IFT25: variants seen among roughly 807,000 people sequenced by gnomAD.
IFT25 encodes the protein intraflagellar transport protein 25 homolog.
chr1:53,913,432 T>A, the IFT25 span, among the ~76,000 whole-genome samples: 2 of 152,216 alleles, frequency 1.3e-5, no homozygotes, highest in African/African-American at 4.8e-5. Context: ...AGTCCCCTTC[T>A]GGGTCTTTTC....
chr1:53,929,990 C>T, the IFT25 span: 29 of 1,513,054 alleles, frequency 1.9e-5, no homozygotes, highest in Non-Finnish European at 2.3e-5. Context: ...ATTAGCCTTA[C>T]CTGGAGCACC....
At chr1:53,945,334 C>CA in the IFT25 span, among the ~76,000 whole-genome samples, 1 of 152,320 alleles carries the variant, frequency 6.6e-6, no homozygotes, top group South Asian at 2.1e-4. Context: ...TTTCTGGCCT[C>CA]AAAGAGTTTC....
chr1:53,921,563 G>T, the IFT25 span: 1 of 796,368 alleles, frequency 1.3e-6, no homozygotes, highest in Non-Finnish European at 2.1e-6. Flanking sequence ...GAAACAAATT[G>T]ATAAAAATCC....
chr1:53,924,157 A>T, the IFT25 span, among the ~76,000 whole-genome samples: 1 of 152,368 alleles, frequency 6.6e-6, no homozygotes, highest in African/African-American at 2.4e-5. Context: ...AAAATATCCT[A>T]GTGAGTATAA....
At chr1:53,934,364 G>A in the IFT25 span, among the ~76,000 whole-genome samples, 1 of 152,176 alleles carries the variant, frequency 6.6e-6, no homozygotes, top group Non-Finnish European at 1.5e-5. Context: ...TGTTTGTGAT[G>A]TAAAGTCAGC....
the IFT25 span, chr1:53,940,043 C>T: frequency 7.9e-5 from 128 of 1,611,788 alleles, no homozygotes; most frequent in African/African-American, 1.2e-3. Flanking sequence ...AAAATCACTT[C>T]GGACCCTTCA....
At chr1:53,927,801 A>T in the IFT25 span, among the ~76,000 whole-genome samples, 1 of 152,212 alleles carries the variant, frequency 6.6e-6, no homozygotes, top group South Asian at 2.1e-4. Flanking sequence ...TCAGCTAAAG[A>T]AGTTACTACT....
chr1:53,914,205 C>T, the IFT25 span, among the ~76,000 whole-genome samples: 7 of 152,312 alleles, frequency 4.6e-5, no homozygotes, highest in African/African-American at 1.7e-4. Context: ...CCTTTCATAA[C>T]CATGACACGT....
the IFT25 span, chr1:53,916,821 G>A: frequency 3.4e-3 from 1,337 of 395,976 alleles, 18 homozygotes; most frequent in African/African-American, 0.025. Flanking sequence ...CTTTTGAAAT[G>A]CCTTTCCTAC....
At chr1:53,928,300 G>A in the IFT25 span, 1 of 1,201,576 alleles carries the variant, frequency 8.3e-7, no homozygotes, top group Non-Finnish European at 1.2e-6. Flanking sequence ...AGTGCAGCTA[G>A]ATGAGAAATG....
At chr1:53,913,005 G>T in the IFT25 span, among the ~76,000 whole-genome samples, 2 of 152,200 alleles carry the variant, frequency 1.3e-5, no homozygotes, top group African/African-American at 2.4e-5. Context: ...CTTTTACCAA[G>T]CCATTGTACT....
At chr1:53,944,286 T>G in the IFT25 span, among the ~76,000 whole-genome samples, 1 of 152,132 alleles carries the variant, frequency 6.6e-6, no homozygotes, top group Non-Finnish European at 1.5e-5. Flanking sequence ...GGCGAACAGC[T>G]TGAGCTCACA....
At chr1:53,927,893 C>T in the IFT25 span, among the ~76,000 whole-genome samples, 1 of 152,122 alleles carries the variant, frequency 6.6e-6, no homozygotes, top group African/African-American at 2.4e-5. Flanking sequence ...ATCTTTTGTC[C>T]TTGTAGGTTT....
chr1:53,939,437 T>C, the IFT25 span, among the ~76,000 whole-genome samples: 1 of 151,960 alleles, frequency 6.6e-6, no homozygotes, highest in Non-Finnish European at 1.5e-5. Context: ...TTAACTGCTT[T>C]TTCTTGGAAT....
the IFT25 span, among the ~76,000 whole-genome samples, chr1:53,944,021 T>C: frequency 6.6e-6 from 1 of 152,210 alleles, no homozygotes; most frequent in African/African-American, 2.4e-5. Flanking sequence ...TTTTCTTACC[T>C]CACATTCTTA....
the IFT25 span, chr1:53,921,818 G>A: frequency 7.2e-6 from 8 of 1,107,462 alleles, no homozygotes; most frequent in East Asian, 9.4e-5. Context: ...CTAGTTAACT[G>A]TTAACAAGCA....
chr1:53,915,359 G>A, the IFT25 span, among the ~76,000 whole-genome samples: 224 of 152,246 alleles, frequency 1.5e-3, no homozygotes, highest in African/African-American at 5.1e-3. Context: ...AGAGAGCCCC[G>A]AGTAATTCAA....
At chr1:53,932,885 C>CA in the IFT25 span, among the ~76,000 whole-genome samples, 2 of 152,136 alleles carry the variant, frequency 1.3e-5, no homozygotes, top group Admixed American at 1.3e-4. Context: ...ATTCTTGTTC[C>CA]ATGTTGTTGA....
chr1:53,915,852 A>G, the IFT25 span, among the ~76,000 whole-genome samples: 1 of 152,180 alleles, frequency 6.6e-6, no homozygotes. Context: ...GGCCACATGA[A>G]AGGGAAAGAG....
Sources: allele counts gnomAD v4.1 joint callset (sites outside exome capture counted in the v4.1 genomes callset), GRCh38; gene constraint gnomAD v4.1.1; transcripts MANE v1.5; gene names NCBI Gene and HGNC (gene_info 2026-07-23, HGNC 2026-07-21).